CCNYL1: variants seen among roughly 807,000 people sequenced by gnomAD.
The protein encoded by CCNYL1 is cyclin-Y-like protein 1.
A neutral mutation model predicts 44.2 loss-of-function variants in CCNYL1; 16 were observed. That is an observed-to-expected ratio of 0.36 (90% CI 0.25 to 0.55). CCNYL1 has a LOEUF of 0.55. Ranked by LOEUF, CCNYL1 falls within the 20% of genes least tolerant of loss-of-function variation. The probability of loss-of-function intolerance (pLI) is 0.85; values close to 1 mark genes in which losing one functional copy is unlikely to be tolerated. For synonymous variants in CCNYL1, 159 were observed against 163.2 expected, an observed-to-expected ratio of 0.97 and a Z score of 0.20; for missense variants, 348 against 451.8, an observed-to-expected ratio of 0.77 and a Z score of 2.08.
chr2:207,737,040 T>G (rs1037512593), intron 4 of CCNYL1, among the ~76,000 whole-genome samples: 3 of 151,944 alleles, frequency 2.0e-5, no homozygotes, highest in African/African-American at 7.3e-5. Flanking sequence ...CTCAGCCTCC[T>G]GAGTAGCTGG....
At chr2:207,721,293 G>T (rs1267290446) in intron 1 of CCNYL1, among the ~76,000 whole-genome samples, 3 of 152,152 alleles carry the variant, frequency 2.0e-5, no homozygotes, top group African/African-American at 7.2e-5. Context: ...TGCTGCTTCT[G>T]TCAGTTACTT....
chr2:207,729,166 G>T (rs2091702368), intron 3 of CCNYL1, among the ~76,000 whole-genome samples: 1 of 150,444 alleles, frequency 6.6e-6, no homozygotes, highest in African/African-American at 2.5e-5. Flanking sequence ...TGTTTTCTTT[G>T]TTCCTTCTTT....
chr2:207,727,922 C>G (rs923285843), intron 3 of CCNYL1, among the ~76,000 whole-genome samples: 1 of 151,936 alleles, frequency 6.6e-6, no homozygotes, highest in Non-Finnish European at 1.5e-5. Context: ...ATTTAGAGAT[C>G]TAGCCTGTCT....
At chr2:207,746,402 T>A (rs2105839436) in intron 7 of CCNYL1, among the ~76,000 whole-genome samples, 1 of 152,356 alleles carries the variant, frequency 6.6e-6, no homozygotes, top group East Asian at 1.9e-4. Flanking sequence ...GTATGATACA[T>A]TGTACCTGGT....
chr2:207,726,281 C>T (rs1305453973), intron 2 of CCNYL1, among the ~76,000 whole-genome samples: 2 of 152,184 alleles, frequency 1.3e-5, no homozygotes, highest in Non-Finnish European at 2.9e-5. Context: ...ATTAGGTTAA[C>T]ATTCATTTTA....
chr2:207,715,679 CTT>C (rs368268330), intron 1 of CCNYL1, among the ~76,000 whole-genome samples: 18 of 139,314 alleles, frequency 1.3e-4, no homozygotes, highest in African/African-American at 1.3e-4. Context: ...CGCGCCTGGC[CTT>C]TTTTTTTTTT....
chr2:207,715,650 G>A (rs2105816174), intron 1 of CCNYL1, among the ~76,000 whole-genome samples: 1 of 151,000 alleles, frequency 6.6e-6, no homozygotes, highest in Non-Finnish European at 1.5e-5. Context: ...AAAGTGCTGG[G>A]ATCATAGGTG....
intron 2 of CCNYL1, among the ~76,000 whole-genome samples, chr2:207,725,205 C>T (rs1559166377): frequency 6.7e-6 from 1 of 149,278 alleles, no homozygotes; most frequent in Non-Finnish European, 1.5e-5. Context: ...CAGCTCACTG[C>T]AGCCTCCATC....
chr2:207,712,614 A>C (rs1454803962), intron 1 of CCNYL1, among the ~76,000 whole-genome samples: 1 of 152,132 alleles, frequency 6.6e-6, no homozygotes, highest in Non-Finnish European at 1.5e-5. Context: ...GTTTAGACCC[A>C]GATGTTTGAG....
chr2:207,747,169 T>C lies in CCNYL1; in HGVS notation c.762T>C (p.Asn254=), dbSNP rs373697297. Reference sequence around the variant, plus strand: ...TTTGGGACGATCAGGCTGTATGGAATGTGGACTACTGCCAGATCCTCAAGG... The same window carrying C: ...TTTGGGACGATCAGGCTGTATGGAACGTGGACTACTGCCAGATCCTCAAGG... ...SKVWDDQAVW[N]VDYCQILKDI... is the part of the protein sequence containing the mutation. Residue 254 remains asparagine, a synonymous_variant, in exon 8 of 10, where the codon AAT becomes AAC. Coordinates refer to ENST00000295414, the MANE Select transcript of CCNYL1 (RefSeq NM_001330218.2). 3 of 1,614,058 alleles carry C rather than the reference T, an allele frequency of 1.9e-6. No homozygotes were observed. The highest frequency in any genetic ancestry group is 2.5e-6 in the Non-Finnish European group (3 of 1,179,962).
chr2:207,736,466 A>C (rs988074489), intron 4 of CCNYL1, among the ~76,000 whole-genome samples: 4 of 152,210 alleles, frequency 2.6e-5, no homozygotes, highest in Non-Finnish European at 5.9e-5. Flanking sequence ...CTAATATTTT[A>C]CTTAAACCAA....
Position 207,750,992 on chromosome 2 carries a change from A to G in CCNYL1, c.842A>G (p.Gln281Arg). The change falls in exon 9 of 10, where the codon CAG becomes CGG. Residue 281 changes from glutamine to arginine, a missense_variant. Gln to Arg is a conservative substitution (Grantham distance 43). This residue lies in a region of CCNYL1 where 94 missense variants were observed against 102.4 expected (regional missense o/e 0.92). Coordinates refer to ENST00000295414, the MANE Select transcript of CCNYL1 (RefSeq NM_001330218.2). Reference protein sequence around the residue: ...EMERHFLELLQFNINVPASVY... With the variant: ...EMERHFLELLRFNINVPASVY... ...GAAAGGCATTTTCTGGAGCTTCTTC[A>G]GTTTAATATTAATGTTCCTGCCAGT... The G allele has an allele frequency of 1.2e-6, 2 of 1,613,952 alleles. No homozygotes were observed. The highest frequency in any genetic ancestry group is 1.7e-6 in the Non-Finnish European group (2 of 1,179,882).
At chr2:207,729,454 C>G (rs1027464958) in intron 3 of CCNYL1, among the ~76,000 whole-genome samples, 1 of 151,890 alleles carries the variant, frequency 6.6e-6, no homozygotes, top group African/African-American at 2.4e-5. Flanking sequence ...ATTCCTTTTT[C>G]CTATTGTTTT....
intron 5 of CCNYL1, among the ~76,000 whole-genome samples, 179 bp from the exon 6 acceptor site, chr2:207,740,476 A>G (rs1341207974): frequency 2.6e-5 from 4 of 152,240 alleles, no homozygotes; most frequent in Non-Finnish European, 5.9e-5. Flanking sequence ...CTGAGTAAAA[A>G]GAGGTCAGGA....
At chr2:207,747,821 G>C (rs1259351222) in intron 8 of CCNYL1, among the ~76,000 whole-genome samples, 1 of 152,218 alleles carries the variant, frequency 6.6e-6, no homozygotes, top group African/African-American at 2.4e-5. Flanking sequence ...GTCTCCCAAA[G>C]AGCTGGGATT....
At chr2:207,729,448 C>T (rs1205687176) in intron 3 of CCNYL1, among the ~76,000 whole-genome samples, 1 of 151,968 alleles carries the variant, frequency 6.6e-6, no homozygotes, top group African/African-American at 2.4e-5. Context: ...CCATGCATTC[C>T]TTTTTCCTAT....
intron 5 of CCNYL1, among the ~76,000 whole-genome samples, chr2:207,738,714 CTTTCTTTTTTT>C (rs895776962): frequency 6.0e-4 from 26 of 43,604 alleles, no homozygotes; most frequent in Middle Eastern, 0.029. Flanking sequence ...CACATCTCTT[CTTTCTTTTTTT>C]TTTCTTTTTT....
intron 7 of CCNYL1, among the ~76,000 whole-genome samples, chr2:207,746,585 T>C (rs1390700364): frequency 6.6e-6 from 1 of 152,250 alleles, no homozygotes; most frequent in East Asian, 1.9e-4. Flanking sequence ...TTTAGTGTCT[T>C]GCTTTGGCTG....
At chr2:207,732,067 T>C (rs1272182292) in intron 3 of CCNYL1, among the ~76,000 whole-genome samples, 4 of 152,114 alleles carry the variant, frequency 2.6e-5, no homozygotes, top group Admixed American at 2.0e-4. Context: ...GCCTTGGCCT[T>C]CCAAAGTGCT....
Sources: allele counts gnomAD v4.1 joint callset (sites outside exome capture counted in the v4.1 genomes callset), GRCh38; gene constraint gnomAD v4.1.1; regional missense constraint gnomAD v4.1.1; transcripts MANE v1.5; gene names NCBI Gene and HGNC (gene_info 2026-07-23, HGNC 2026-07-21).